Variants in EFCAB6 observed in about 807,000 individuals in gnomAD.
The protein encoded by EFCAB6 is EF-hand calcium-binding domain-containing protein 6.
Under a neutral mutation model 169.8 loss-of-function variants are expected in EFCAB6, and 156 were observed. The ratio of observed to expected loss-of-function variants is 0.92; its 90% CI spans 0.81 to 1.05. The LOEUF (loss-of-function observed/expected upper bound fraction) is 1.05. EFCAB6 is among the 50% of genes least tolerant of loss of function. The pLI, the probability that EFCAB6 is intolerant of heterozygous loss-of-function variation, is 0.00. For synonymous variants in EFCAB6, 698 were observed against 676.4 expected, an observed-to-expected ratio of 1.03 and a Z score of -0.50; for missense variants, 1,800 against 1,829.1, an observed-to-expected ratio of 0.98 and a Z score of 0.29.
chr22:43,700,531 T>A (rs2058730217), intron 10 of EFCAB6, among the ~76,000 whole-genome samples: 1 of 152,236 alleles, frequency 6.6e-6, no homozygotes. Flanking sequence ...TACAGTTGTA[T>A]GAGTTTAACA....
At chr22:43,529,057 G>T in intron 31 of EFCAB6, 82 bp from the exon 32 acceptor site, 1 of 1,442,106 alleles carries the variant, frequency 6.9e-7, no homozygotes, top group Non-Finnish European at 9.3e-7. Context: ...GGGGCTGGGG[G>T]ACACATCCAC....
intron 23 of EFCAB6, among the ~76,000 whole-genome samples, chr22:43,593,966 T>C (rs991118092): frequency 2.1e-4 from 32 of 152,072 alleles, no homozygotes; most frequent in African/African-American, 7.7e-4. Flanking sequence ...TTTTTCTCTG[T>C]TATAAATGTT....
chr22:43,786,214 T>G (rs1247933342), intron 2 of EFCAB6, among the ~76,000 whole-genome samples: 3 of 151,854 alleles, frequency 2.0e-5, no homozygotes, highest in Non-Finnish European at 4.4e-5. Context: ...AATACAAAAA[T>G]TAGCCAGGCA....
In EFCAB6 at chr22:43,543,543, A is replaced by C. The variant is rs538889364; in HGVS notation, c.3649-3186T>G. Among the ~76,000 whole-genome samples the C allele has an allele frequency of 1.7e-4, 26 of 152,282 alleles. No individual in the cohort carries two copies. The South Asian group carries it at 5.0e-3, about 29-fold the overall frequency. On this transcript the variant is annotated intron_variant, in intron 27 of 31. Transcript: ENST00000262726. Reference sequence around the variant, plus strand: ...CCTTCCTCCACTGGGAACCTCACCCAGGCTCTGGGGGAGGGGAAGGATCGA... The same window carrying C: ...CCTTCCTCCACTGGGAACCTCACCCCGGCTCTGGGGGAGGGGAAGGATCGA...
At chr22:43,699,651 G>A (rs762517749) in intron 10 of EFCAB6, among the ~76,000 whole-genome samples, 2 of 151,896 alleles carry the variant, frequency 1.3e-5, no homozygotes, top group Admixed American at 6.6e-5. Context: ...GTTTCTCCTC[G>A]GGAGTCACAC....
chr22:43,709,336 C>T (rs1466123828), intron 10 of EFCAB6, among the ~76,000 whole-genome samples: 1 of 152,120 alleles, frequency 6.6e-6, no homozygotes, highest in Non-Finnish European at 1.5e-5. Flanking sequence ...CCTGCTTTGG[C>T]CTCCCAAAAT....
intron 10 of EFCAB6, among the ~76,000 whole-genome samples, chr22:43,693,955 T>A (rs1379904390): frequency 6.6e-6 from 1 of 151,582 alleles, no homozygotes; most frequent in Non-Finnish European, 1.5e-5. Context: ...AGAAAATGGA[T>A]ACAATAAAAA....
At chr22:43,623,906 C>T (rs1214343599) in intron 20 of EFCAB6, among the ~76,000 whole-genome samples, 1 of 115,054 alleles carries the variant, frequency 8.7e-6, no homozygotes, top group Non-Finnish European at 1.8e-5. Flanking sequence ...GAGACTCCTT[C>T]TCAAAAAAAA....
chr22:43,544,980 T>G (rs573753780), intron 27 of EFCAB6, among the ~76,000 whole-genome samples: 981 of 59,066 alleles, frequency 0.017, 5 homozygotes, highest in Middle Eastern at 0.094. Flanking sequence ...AAAAATAAAA[T>G]AAAAAAGAAA....
intron 21 of EFCAB6, among the ~76,000 whole-genome samples, chr22:43,614,718 G>A (rs949831591): frequency 6.6e-6 from 1 of 152,168 alleles, no homozygotes; most frequent in African/African-American, 2.4e-5. Context: ...CCACTCCATA[G>A]AGTACACAAT....
At chr22:43,555,529 A>T (rs1602233746) in intron 26 of EFCAB6, among the ~76,000 whole-genome samples, 1 of 152,196 alleles carries the variant, frequency 6.6e-6, no homozygotes, top group East Asian at 1.9e-4. Context: ...AGTTTAGTTG[A>T]TTACTCACAG....
intron 11 of EFCAB6, among the ~76,000 whole-genome samples, chr22:43,685,040 G>A (rs1291666747): frequency 2.6e-5 from 4 of 152,142 alleles, no homozygotes; most frequent in African/African-American, 4.8e-5. Context: ...GCACAATCTC[G>A]AAAGATTAAA....
intron 22 of EFCAB6, among the ~76,000 whole-genome samples, chr22:43,607,983 C>T: frequency 6.6e-6 from 1 of 152,278 alleles, no homozygotes; most frequent in Admixed American, 6.5e-5. Flanking sequence ...GTTTAAGAGA[C>T]CCTCGGGAAG....
chr22:43,733,597 T>G (rs954728752), intron 7 of EFCAB6, among the ~76,000 whole-genome samples: 8 of 152,162 alleles, frequency 5.3e-5, no homozygotes, highest in African/African-American at 1.7e-4. Context: ...GGAGTCTTTA[T>G]GATGATGAGA....
At chr22:43,598,231 T>A (rs1369748148) in intron 23 of EFCAB6, among the ~76,000 whole-genome samples, 6 of 132,886 alleles carry the variant, frequency 4.5e-5, no homozygotes, top group Non-Finnish European at 6.1e-5. Flanking sequence ...CACCTGAGCC[T>A]GGAAAGTTGA....
chr22:43,642,476 T>TCCAG (rs1172049284), intron 17 of EFCAB6, among the ~76,000 whole-genome samples: 1 of 151,750 alleles, frequency 6.6e-6, no homozygotes, highest in African/African-American at 2.4e-5. Context: ...TCCCTCATCT[T>TCCAG]CCAGCTCCTC....
chr22:43,749,684 C>T (rs577459721), intron 6 of EFCAB6, among the ~76,000 whole-genome samples: 164 of 152,152 alleles, frequency 1.1e-3, no homozygotes, highest in African/African-American at 3.6e-3. Context: ...TTCTGGTTCC[C>T]GACAGGCCAC....
Position 43,737,192 on chromosome 22 carries a change from T to C in EFCAB6, c.508-1199A>G, listed in dbSNP as rs564716487. 5.3e-5 allele frequency among the ~76,000 whole-genome samples: 8 copies of C among 152,190 alleles called. No individual in the cohort carries two copies. The East Asian group carries it at 1.5e-3, about 29-fold the overall frequency. On this transcript the variant is annotated intron_variant, in intron 6 of 31. Coordinates refer to ENST00000262726, the MANE Select transcript of EFCAB6 (RefSeq NM_022785.4). ...AATGGGCACACCTCCCTGGCTCTCC[T>C]AACTTGAGACCATTAACTCCAGCAG...
rs370724337 is a variant in EFCAB6 at position 43,784,511 on chromosome 22, A to ATGTGTGTGTGTG, written c.-7-2198_-7-2187dup. ...ACCAAAAAAAAAAAAAAATATATAT[A>ATGTGTGTGTGTG]TGTGTGTGTGTGTGTGTGTGTGTGT... On this transcript the variant is annotated intron_variant, in intron 2 of 31. Coordinates refer to ENST00000262726, the MANE Select transcript of EFCAB6 (RefSeq NM_022785.4). Among the ~76,000 whole-genome samples, 6 of 91,392 alleles carry ATGTGTGTGTGTG rather than the reference A, an allele frequency of 6.6e-5. 1 individual carries two copies. In the South Asian group the frequency reaches 1.6e-3, roughly 24 times the overall value. The allele number at this position is 91,392 out of a possible 152,430, so 60.0% of individuals were successfully genotyped here. A position where few individuals can be genotyped will look rare whatever the true frequency, so the allele number is the denominator to read the frequency against.
Sources: gnomAD v4.1 joint callset for allele counts (sites outside exome capture counted in the v4.1 genomes callset) on GRCh38, gnomAD v4.1.1 for gene constraint, MANE v1.5 for transcripts, NCBI Gene and HGNC (gene_info 2026-07-23, HGNC 2026-07-21) for gene names.